SMPX: variants seen among roughly 807,000 people sequenced by gnomAD.
The protein encoded by SMPX is small muscle protein X-linked.
In SMPX, 2 loss-of-function variants were observed where a neutral mutation model predicts 6.3. The ratio of observed to expected loss-of-function variants is 0.32; its 90% CI spans 0.13 to 0.99. SMPX has a LOEUF of 0.99. Ranked by LOEUF, SMPX falls within the 50% of genes least tolerant of loss-of-function variation. The pLI, the probability that SMPX is intolerant of heterozygous loss-of-function variation, is 0.49. For synonymous variants in SMPX, 32 were observed against 24.7 expected (o/e 1.30, Z -0.88); for missense variants, 60 against 66.8 (o/e 0.90, Z 0.36).
chrX:21,726,458 C>T (rs2092797054), intron 4 of SMPX, among the ~76,000 whole-genome samples: 1 of 112,627 alleles, frequency 8.9e-6, no homozygotes, highest in Non-Finnish European at 1.9e-5. Flanking sequence ...GATTCCATTG[C>T]TCCTGGGACT....
intron 4 of SMPX, among the ~76,000 whole-genome samples, chrX:21,716,286 A>G: frequency 8.9e-6 from 1 of 112,154 alleles, no homozygotes; most frequent in Non-Finnish European, 1.9e-5. Context: ...CATCAGAGAA[A>G]TTGCTTTTAC....
chrX:21,733,340 A>G (rs1219163136), intron 4 of SMPX, among the ~76,000 whole-genome samples: 1 of 112,433 alleles, frequency 8.9e-6, no homozygotes, highest in Non-Finnish European at 1.9e-5. Context: ...CAAAAACACA[A>G]GTGCTTTCTT....
chrX:21,753,292 C>T (rs1310044589), intron 2 of SMPX, among the ~76,000 whole-genome samples: 1 of 111,747 alleles, frequency 8.9e-6, no homozygotes, highest in Admixed American at 9.5e-5. Flanking sequence ...AAAGATCTGT[C>T]CCTCCACCTA....
At chrX:21,734,894 T>A (rs1200765011) in intron 4 of SMPX, among the ~76,000 whole-genome samples, 1 of 111,917 alleles carries the variant, frequency 8.9e-6, no homozygotes, top group Non-Finnish European at 1.9e-5. Flanking sequence ...TTGGCTAGAA[T>A]GAGATGCTAA....
At chrX:21,711,343 G>A (rs776732718) in intron 4 of SMPX, among the ~76,000 whole-genome samples, 1 of 111,934 alleles carries the variant, frequency 8.9e-6, no homozygotes, top group Middle Eastern at 4.6e-3. Flanking sequence ...CCAGGGCCAC[G>A]CTGCTTTGCT....
chrX:21,716,435 CT>C (rs1329269399), intron 4 of SMPX, among the ~76,000 whole-genome samples: 1 of 112,132 alleles, frequency 8.9e-6, no homozygotes, highest in African/African-American at 3.2e-5. Flanking sequence ...CTGCTTTCCA[CT>C]TATGCTACCT....
intron 4 of SMPX, among the ~76,000 whole-genome samples, chrX:21,715,301 T>TGCGCGCACGC (rs1372224561): frequency 1.1e-5 from 1 of 87,609 alleles, no homozygotes; most frequent in Non-Finnish European, 2.1e-5. Context: ...TGTGTGTGTG[T>TGCGCGCACGC]GTGCGCGCAC....
At chrX:21,743,018 G>A (rs1264367378) in intron 3 of SMPX, among the ~76,000 whole-genome samples, 1 of 111,972 alleles carries the variant, frequency 8.9e-6, no homozygotes, top group Non-Finnish European at 1.9e-5. Context: ...AATTGGGTAA[G>A]AAATATAAAC....
Position 21,746,427 on chromosome X carries a change from C to T in SMPX, c.46-2591G>A, listed in dbSNP as rs1369175939. Among the ~76,000 whole-genome samples the T allele has an allele frequency of 3.6e-5, 4 of 111,378 alleles. No homozygotes were observed. In the East Asian group the frequency reaches 1.1e-3, roughly 31 times the overall value. On this transcript the variant is annotated intron_variant, in intron 2 of 4. Coordinates refer to ENST00000379494, the MANE Select transcript of SMPX (RefSeq NM_014332.3). ...ACCCGTCTCTAAAGAGCTCTTTTCA[C>T]GTGGCCAAAAATAGCTCTAACCAGC...
At chrX:21,738,024 A>G (rs2092812363) in intron 3 of SMPX, among the ~76,000 whole-genome samples, 1 of 112,630 alleles carries the variant, frequency 8.9e-6, no homozygotes, top group African/African-American at 3.2e-5. Flanking sequence ...AGCATCTTAC[A>G]AGATTGACTT....
intron 3 of SMPX, among the ~76,000 whole-genome samples, chrX:21,738,260 C>G (rs1293748974): frequency 1.8e-5 from 2 of 111,560 alleles, no homozygotes; most frequent in Admixed American, 9.5e-5. Context: ...GGGCAGGACC[C>G]ACATCCTATC....
intron 1 of SMPX, 69 bp from the exon 2 acceptor site, chrX:21,754,371 T>A: frequency 1.2e-6 from 1 of 857,806 alleles, no homozygotes. Context: ...AAATTAGAAT[T>A]TAACTCATGA....
intron 2 of SMPX, among the ~76,000 whole-genome samples, chrX:21,751,760 G>C (rs868109640): frequency 6.2e-5 from 7 of 112,007 alleles, no homozygotes; most frequent in Non-Finnish European, 1.1e-4. Flanking sequence ...TGACTAGAGG[G>C]TATGGAGTAG....
chrX:21,724,323 G>A (rs1056700354), intron 4 of SMPX, among the ~76,000 whole-genome samples: 15 of 111,970 alleles, frequency 1.3e-4, no homozygotes, highest in African/African-American at 4.9e-4. Context: ...CCAAATCCTG[G>A]ATCAAATCTG....
rs1372224561 is a variant in SMPX, at chrX:21,715,301, T to TGC, written c.*15-8908_*15-8907insGC. Among the ~76,000 whole-genome samples the TGC allele has an allele frequency of 1.4e-3, 124 of 87,604 alleles. 1 individual carries two copies. The highest frequency in any genetic ancestry group is 5.2e-3 in the African/African-American group (82 of 15,789). 76.1% of individuals were successfully genotyped at this position (87,604 alleles called of 115,157 possible). A position where few individuals can be genotyped will look rare whatever the true frequency, so the allele number is the denominator to read the frequency against. On this transcript the variant is annotated intron_variant, in intron 4 of 4. Transcript: ENST00000379494. ...GTGTGTGTGTGTGTGTGTGTGTGTGTGTGCGCGCACGCGCGCGCGCTCGCG... is the reference window on the plus strand; with the variant it reads ...GTGTGTGTGTGTGTGTGTGTGTGTGTGCGTGCGCGCACGCGCGCGCGCTCGCG...
intron 4 of SMPX, among the ~76,000 whole-genome samples, chrX:21,715,310 A>ACG (rs747497147): frequency 1.4e-4 from 12 of 87,316 alleles, no homozygotes; most frequent in South Asian, 1.0e-3. Context: ...GTGTGCGCGC[A>ACG]CGCGCGCGCG....
At chrX:21,727,554 T>G (rs1314375609) in intron 4 of SMPX, 3 of 111,965 alleles carry the variant, frequency 2.7e-5, no homozygotes, top group Admixed American at 9.5e-5. Context: ...TTTCTGGCAA[T>G]AGGACACGCT....
chrX:21,752,834 C>T (rs762579428), intron 2 of SMPX, among the ~76,000 whole-genome samples: 1 of 111,450 alleles, frequency 9.0e-6, no homozygotes, highest in Non-Finnish European at 1.9e-5. Flanking sequence ...CTGTTTTAAG[C>T]ATTTTATACA....
chrX:21,732,549 G>A (rs537959249), intron 4 of SMPX, among the ~76,000 whole-genome samples: 5 of 112,148 alleles, frequency 4.5e-5, no homozygotes, highest in African/African-American at 1.3e-4. Flanking sequence ...TCAGGGCACC[G>A]GCAACATCCT....
Sources: allele counts gnomAD v4.1 joint callset (sites outside exome capture counted in the v4.1 genomes callset), GRCh38; gene constraint gnomAD v4.1.1; transcripts MANE v1.5; gene names NCBI Gene and HGNC (gene_info 2026-07-23, HGNC 2026-07-21).